The following ATRN variants were observed in gnomAD, a reference collection of about 807,000 sequenced individuals.
ATRN encodes the protein attractin-2.
ATRN carries 54 observed loss-of-function variants against 178.7 expected under a neutral mutation model. The ratio of observed to expected loss-of-function variants is 0.30; its 90% CI spans 0.24 to 0.38. The LOEUF is 0.38. Ranked by LOEUF, ATRN falls within the 10% of genes least tolerant of loss-of-function variation. The pLI is 1.00. For missense variants in ATRN, 1,443 were observed against 1,815.1 expected, an observed-to-expected ratio of 0.79 and a Z score of 3.73; for synonymous variants, 636 against 663.0, an observed-to-expected ratio of 0.96 and a Z score of 0.63.
chr20:3,492,657 A>G (rs2084811221), intron 1 of ATRN, among the ~76,000 whole-genome samples: 1 of 152,150 alleles, frequency 6.6e-6, no homozygotes, highest in Non-Finnish European at 1.5e-5. Flanking sequence ...AAGTACAGGA[A>G]GAAACTAACA....
Position 3,624,584 on chromosome 20 carries a change from T to C in ATRN, c.3863+12T>C, listed in dbSNP as rs945494827. ...GTGACTTTCTTCAGGTAATTTTGCT[T>C]ATACAGACTCTCTCTGTTCTTTTGA... is the stretch of plus-strand genomic sequence containing the variant. On this transcript the variant is annotated intron_variant, in intron 25 of 28. Transcript: ENST00000262919. 4.4e-6 allele frequency: 7 copies of C among 1,606,726 alleles called. No individual in the cohort carries two copies. The African/African-American group carries it at 9.4e-5, about 21-fold the overall frequency.
intron 5 of ATRN, among the ~76,000 whole-genome samples, chr20:3,547,723 G>GA (rs1284974153): frequency 6.6e-6 from 1 of 152,120 alleles, no homozygotes; most frequent in East Asian, 1.9e-4. Context: ...TCCTGTGTGT[G>GA]AAAGTTGGAG....
At chr20:3,557,600 A>T (rs377218032) in intron 6 of ATRN, among the ~76,000 whole-genome samples, 2 of 152,236 alleles carry the variant, frequency 1.3e-5, no homozygotes, top group African/African-American at 4.8e-5. Context: ...CTCAAGAAAG[A>T]GAAGTTGTGG....
At position 3,471,420 on chromosome 20, in the gene ATRN, T is replaced by C; in HGVS notation, c.313T>C (p.Cys105Arg). The C allele has an allele frequency of 6.8e-7, 1 of 1,477,678 alleles. No individual in the cohort carries two copies. Among genetic ancestry groups the C allele is most frequent in the South Asian group, 1.3e-5 (1 of 76,266 alleles). The allele number at this position is 1,477,678 out of a possible 1,614,324, so 91.5% of individuals were successfully genotyped here. ...AAEAKECDRP[C>R]VNGGRCNPGT... ...CGAGGCCAAGGAATGTGACCGGCCC[T>C]GTGTCAACGGCGGTCGCTGCAACCC... The change falls in exon 1 of 29, where the codon TGT (cysteine) becomes CGT (arginine). Residue 105 changes from cysteine to arginine, a missense_variant. Coordinates refer to ENST00000262919, the MANE Select transcript of ATRN (RefSeq NM_139321.3).
intron 1 of ATRN, among the ~76,000 whole-genome samples, chr20:3,474,842 C>T (rs2084497654): frequency 6.6e-6 from 1 of 151,394 alleles, no homozygotes; most frequent in Non-Finnish European, 1.5e-5. Context: ...ACCAGCCTGG[C>T]CAACATAGTG....
intron 25 of ATRN, among the ~76,000 whole-genome samples, chr20:3,629,840 G>A (rs934103041): frequency 6.6e-6 from 1 of 152,342 alleles, no homozygotes; most frequent in Non-Finnish European, 1.5e-5. Context: ...AGGCATGGGG[G>A]TGGGTGAGCA....
rs536633897 is a variant in ATRN at position 3,638,979 on chromosome 20, A to G, written c.4050+44A>G. ...AGTCCCTATAACTTGACTTTTTAAA[A>G]CTTAGGCTCCTAAGTCTGGGAAACC... On this transcript the variant is annotated intron_variant, in intron 27 of 28. Transcript: ENST00000262919. This position sits in a 1 kb window ranked among gnomAD's most constrained non-coding sequence, Gnocchi z 4.5. 5.3e-6 allele frequency: 8 copies of G among 1,516,270 alleles called. No homozygotes were observed. The African/African-American group carries it at 1.1e-4, about 21-fold the overall frequency. The allele number at this position is 1,516,270 out of a possible 1,614,324, so 93.9% of individuals were successfully genotyped here.
chr20:3,591,282 C>G lies in ATRN; in HGVS notation c.3298C>G (p.Pro1100Ala). The change falls in exon 19 of 29, where the codon CCC becomes GCC. Residue 1100 changes from proline to alanine, a missense_variant. Pro to Ala is a conservative substitution (Grantham distance 27). This residue lies in a region of ATRN where 289 missense variants were observed against 440.8 expected (regional missense o/e 0.66). Transcript: ENST00000262919. ...CTGCATATCTGGCTTCTACGGTGAT[C>G]CCACCAATGGAGGGAAATGTCAGCG... is the stretch of plus-strand genomic sequence containing the variant. ...ETCISGFYGDPTNGGKCQPCK... is the reference protein window; with the variant it reads ...ETCISGFYGDATNGGKCQPCK... 6.2e-7 allele frequency: 1 copy of G among 1,614,024 alleles called. No individual in the cohort carries two copies. The highest frequency in any genetic ancestry group is 8.5e-7 in the Non-Finnish European group (1 of 1,179,950).
chr20:3,560,353 C>T (rs543601116), intron 7 of ATRN, among the ~76,000 whole-genome samples: 1 of 152,250 alleles, frequency 6.6e-6, no homozygotes, highest in African/African-American at 2.4e-5. Flanking sequence ...AATAATGCTC[C>T]ATTGTGTATA....
intron 1 of ATRN, among the ~76,000 whole-genome samples, chr20:3,515,713 G>T (rs1005740565): frequency 5.3e-5 from 8 of 152,144 alleles, no homozygotes; most frequent in African/African-American, 1.9e-4. Context: ...GCAGAAGGGG[G>T]TTTGTTTTTT....
intron 1 of ATRN, among the ~76,000 whole-genome samples, chr20:3,484,348 T>G (rs1005431837): frequency 8.5e-5 from 13 of 152,102 alleles, no homozygotes; most frequent in Non-Finnish European, 1.9e-4. Context: ...ATTATAAAAT[T>G]CCTTTCCTGT....
At chr20:3,573,006 T>C in intron 12 of ATRN, 55 bp downstream of exon 12, 1 of 1,482,900 alleles carries the variant, frequency 6.7e-7, no homozygotes, top group Non-Finnish European at 9.3e-7. Context: ...TCATTTTATC[T>C]GAATTGTGAA....
In ATRN at chr20:3,535,254, C is replaced by T; in HGVS notation, c.412C>T (p.Leu138=). Residue 138 remains leucine, a splice_region_variant and synonymous_variant, in exon 2 of 29, where the codon CTA becomes TTA. Transcript: ENST00000262919. ...QCQHCGGRFR[L]TGSSGFVTDG... is the part of the protein sequence containing the mutation. Reference sequence around the variant, plus strand: ...TTTCTTTCTTGATTTAAATTACAGACTAACTGGATCTTCTGGGTTTGTGAC... The same window carrying T: ...TTTCTTTCTTGATTTAAATTACAGATTAACTGGATCTTCTGGGTTTGTGAC... The T allele has an allele frequency of 6.8e-7, 1 of 1,480,564 alleles. No homozygotes were observed. The highest frequency in any genetic ancestry group is 9.1e-7 in the Non-Finnish European group (1 of 1,100,862). The allele number at this position is 1,480,564 out of a possible 1,614,324, so 91.7% of individuals were successfully genotyped here. A position where few individuals can be genotyped will look rare whatever the true frequency, so the allele number is the denominator to read the frequency against.
At chr20:3,539,727 T>C (rs1165450779) in intron 2 of ATRN, among the ~76,000 whole-genome samples, 1 of 152,098 alleles carries the variant, frequency 6.6e-6, no homozygotes, top group Non-Finnish European at 1.5e-5. Context: ...TCAATACAGC[T>C]TAGTTTTGTT....
intron 1 of ATRN, among the ~76,000 whole-genome samples, chr20:3,475,690 C>T (rs2146056281): frequency 6.6e-6 from 1 of 152,178 alleles, no homozygotes; most frequent in African/African-American, 2.4e-5. Flanking sequence ...AATATTCATT[C>T]AATTCTTTTA....
chr20:3,629,981 G>T (rs541361647), intron 25 of ATRN, among the ~76,000 whole-genome samples: 1 of 152,254 alleles, frequency 6.6e-6, no homozygotes, highest in Admixed American at 6.5e-5. Context: ...CATGATGGAT[G>T]AAATCACTTT....
intron 1 of ATRN, among the ~76,000 whole-genome samples, chr20:3,486,768 A>G (rs2084700610): frequency 6.6e-6 from 1 of 152,086 alleles, no homozygotes; most frequent in Non-Finnish European, 1.5e-5. Context: ...GGTTGATTGT[A>G]TTAACGTAGT....
intron 18 of ATRN, among the ~76,000 whole-genome samples, chr20:3,586,249 C>A (rs776363560): frequency 1.3e-5 from 2 of 152,034 alleles, no homozygotes; most frequent in Non-Finnish European, 2.9e-5. Context: ...TGTTATTTGG[C>A]AATAAAAAGG....
At chr20:3,531,071 A>G (rs930613415) in intron 1 of ATRN, among the ~76,000 whole-genome samples, 3 of 152,220 alleles carry the variant, frequency 2.0e-5, no homozygotes, top group African/African-American at 4.8e-5. Flanking sequence ...GGTGTTGCCC[A>G]TGCCCACACC....
Sources: gnomAD v4.1 joint callset for allele counts (sites outside exome capture counted in the v4.1 genomes callset) on GRCh38, gnomAD v4.1.1 for gene constraint, gnomAD v4.1.1 regional missense constraint, Gnocchi (gnomAD v3.1) non-coding constraint, MANE v1.5 for transcripts, NCBI Gene and HGNC (gene_info 2026-07-23, HGNC 2026-07-21) for gene names.